IGDCC3: variants seen among roughly 807,000 people sequenced by gnomAD.
The protein encoded by IGDCC3 is immunoglobulin superfamily DCC subclass member 3.
IGDCC3 carries 47 observed loss-of-function variants against 72.0 expected under a neutral mutation model. The ratio of observed to expected loss-of-function variants is 0.65; its 90% CI spans 0.52 to 0.83. The LOEUF is 0.83. Among genes scored for constraint, IGDCC3 ranks in the 40% least tolerant of loss-of-function variants. The pLI, the probability that IGDCC3 is intolerant of heterozygous loss-of-function variation, is 0.00. For synonymous variants in IGDCC3, 477 were observed against 472.8 expected (o/e 1.01, Z -0.11); for missense variants, 1,038 against 1,091.3 (o/e 0.95, Z 0.69).
At chr15:65,354,398 C>A (rs1488591358) in intron 2 of IGDCC3, among the ~76,000 whole-genome samples, 1 of 152,264 alleles carries the variant, frequency 6.6e-6, no homozygotes, top group South Asian at 2.1e-4. Context: ...CTTCCACTGC[C>A]CCCTCTGCCT....
chr15:65,330,978 G>A, intron 9 of IGDCC3, 72 bp downstream of exon 9: 1 of 1,534,352 alleles, frequency 6.5e-7, no homozygotes, highest in Non-Finnish European at 8.9e-7. Flanking sequence ...ACCAGAACAA[G>A]TGTGCATGGT....
rs1214739278 is a variant in IGDCC3, at chr15:65,337,131, C to T, written c.410-1175G>A. ...CCCATCTCAGGCCCCCTCAATCCACCAGCCTGATCTGGCCTCCAGGGCAGC... is the reference window on the plus strand; with the variant it reads ...CCCATCTCAGGCCCCCTCAATCCACTAGCCTGATCTGGCCTCCAGGGCAGC... On this transcript the variant is annotated intron_variant, in intron 2 of 13. Coordinates refer to ENST00000327987, the MANE Select transcript of IGDCC3 (RefSeq NM_004884.4). 2.0e-5 allele frequency among the ~76,000 whole-genome samples: 3 copies of T among 152,368 alleles called. No homozygotes were observed. The South Asian group carries it at 6.2e-4, about 32-fold the overall frequency.
chr15:65,371,200 A>C (rs909748264), intron 2 of IGDCC3, among the ~76,000 whole-genome samples: 5 of 152,252 alleles, frequency 3.3e-5, no homozygotes, highest in Admixed American at 2.0e-4. Context: ...AATAATACTT[A>C]GCATTTCCTA....
Position 65,377,410 on chromosome 15 carries a change from C to T in IGDCC3, c.103+276G>A, listed in dbSNP as rs1016991280. 5.9e-5 allele frequency among the ~76,000 whole-genome samples: 9 copies of T among 152,190 alleles called. No homozygotes were observed. The highest frequency in any genetic ancestry group is 9.6e-5 in the African/African-American group (4 of 41,456). ...TCTCCACGCCAGCCCGCCCCGCTTGCTCCCGCTTCGCTGCACTCCTTGCTC... is the reference window on the plus strand; with the variant it reads ...TCTCCACGCCAGCCCGCCCCGCTTGTTCCCGCTTCGCTGCACTCCTTGCTC... On this transcript the variant is annotated intron_variant, in intron 1 of 13. Transcript: ENST00000327987. The surrounding 1 kb of genome is among the most constrained non-coding windows in gnomAD (Gnocchi z 4.9).
intron 2 of IGDCC3, among the ~76,000 whole-genome samples, chr15:65,344,478 T>G (rs1193774174): frequency 1.3e-5 from 2 of 152,024 alleles, no homozygotes; most frequent in African/African-American, 2.4e-5. Flanking sequence ...TAAATCCACA[T>G]CTCTCCCCTC....
In IGDCC3 at chr15:65,329,698, C is replaced by T. The variant is rs374568588; in HGVS notation, c.1997+28G>A. ...AGGCCTAGTCCCCCACACACCAGCC[C>T]AGCCCCTCTCCCTGGCCCAGGACCC... On this transcript the variant is annotated intron_variant, in intron 12 of 13. Coordinates refer to ENST00000327987, the MANE Select transcript of IGDCC3 (RefSeq NM_004884.4). This position sits in a 1 kb window ranked among gnomAD's most constrained non-coding sequence, Gnocchi z 4.1. 3.1e-6 allele frequency: 5 copies of T among 1,613,646 alleles called. No individual in the cohort carries two copies. The highest frequency in any genetic ancestry group is 2.7e-5 in the African/African-American group (2 of 74,924).
At chr15:65,366,383 G>T (rs960849130) in intron 2 of IGDCC3, among the ~76,000 whole-genome samples, 8 of 152,072 alleles carry the variant, frequency 5.3e-5, no homozygotes, top group African/African-American at 1.9e-4. Context: ...GAAAAAGAAA[G>T]AGGCAGGAAG....
intron 2 of IGDCC3, among the ~76,000 whole-genome samples, chr15:65,365,484 C>G (rs962405319): frequency 6.6e-6 from 1 of 152,118 alleles, no homozygotes; most frequent in South Asian, 2.1e-4. Flanking sequence ...GGGCTGCCCC[C>G]ACCACCCACT....
chr15:65,335,841 GTTC>G lies in IGDCC3; in HGVS notation c.522_524del (p.Lys174del), dbSNP rs770309014. ...CATTGTCCGTGTCAATTGGGACTCT[GTTC>G]TTCTCCCAAGTGATCAGGGGTTTGG... is the stretch of plus-strand genomic sequence containing the variant. On this transcript the variant is annotated inframe_deletion, in exon 3 of 14. Transcript: ENST00000327987. The G allele has an allele frequency of 3.1e-6, 5 of 1,614,164 alleles. No homozygotes were observed. The highest frequency in any genetic ancestry group is 2.2e-5 in the South Asian group (2 of 91,082).
At chr15:65,373,268 G>T (rs1226364468) in intron 2 of IGDCC3, among the ~76,000 whole-genome samples, 1 of 152,108 alleles carries the variant, frequency 6.6e-6, no homozygotes, top group Non-Finnish European at 1.5e-5. Context: ...TCTCTGATCT[G>T]CAAATCTTAC....
chr15:65,329,490 C>T lies in IGDCC3; in HGVS notation c.2105G>A (p.Arg702Gln), dbSNP rs140821348. 1.8e-4 allele frequency: 289 copies of T among 1,609,508 alleles called. 1 individual carries two copies. The Middle Eastern group carries it at 7.1e-3, about 40-fold the overall frequency. ...LALNGARRGQ[R>Q]GQLGRDEKRV... ...TTTCTCGTCTCGGCCCAGCTGGCCC[C>T]GCTGTCCCCGTCTCGCCCCATTTAG... is the stretch of plus-strand genomic sequence containing the variant. Residue 702 changes from arginine (R) to glutamine (Q), a missense_variant, in exon 13 of 14, where the codon CGG becomes CAG. By Grantham distance (43) the Arg-to-Gln change is conservative. Transcript: ENST00000327987. The surrounding 1 kb of genome is among the most constrained non-coding windows in gnomAD (Gnocchi z 4.1).
At position 65,377,765 on chromosome 15, in the gene IGDCC3, A is replaced by C. The variant is rs1311370354; in HGVS notation, c.24T>G (p.Ser8=). The change falls in exon 1 of 14, where the codon TCT becomes TCG. Residue 8 remains serine, a synonymous_variant. Transcript: ENST00000327987. The surrounding 1 kb of genome is among the most constrained non-coding windows in gnomAD (Gnocchi z 4.9). ...AGAGCGGGGCGGGCGGGCGGCGCGG[A>C]GACGCGGCGCGCTGCACAGCCATGG... MAVQRAA[S]PRRPPAPLWP... is the part of the protein sequence containing the mutation. 5.4e-6 allele frequency: 7 copies of C among 1,301,402 alleles called. No homozygotes were observed. Among genetic ancestry groups the C allele is most frequent in the African/African-American group, 1.6e-5 (1 of 64,256 alleles). 80.6% of individuals were successfully genotyped at this position (1,301,402 alleles called of 1,614,324 possible).
chr15:65,353,329 C>A (rs957581351), intron 2 of IGDCC3, among the ~76,000 whole-genome samples: 20 of 151,500 alleles, frequency 1.3e-4, no homozygotes, highest in African/African-American at 4.4e-4. Flanking sequence ...TAGCTCACTG[C>A]AACCTCTGCC....
chr15:65,371,740 G>A lies in IGDCC3; in HGVS notation c.409+3357C>T, dbSNP rs116188179. Among the ~76,000 whole-genome samples, 1,073 of 152,300 alleles carry A rather than the reference G, an allele frequency of 7.0e-3. 21 individuals carry two copies. Among genetic ancestry groups the A allele is most frequent in the African/African-American group, 0.024 (997 of 41,550 alleles). ...GGGATTGAGGGTGGCAGGGACTCGG[G>A]GTAGGTCCCCCATCCTCCTCCCTGT... On this transcript the variant is annotated intron_variant, in intron 2 of 13. Transcript: ENST00000327987.
At chr15:65,335,491 C>A in intron 3 of IGDCC3, 70 bp from the exon 4 acceptor site, 2 of 1,498,276 alleles carry the variant, frequency 1.3e-6, no homozygotes, top group African/African-American at 1.4e-5. Context: ...AGACTCTGGG[C>A]ATCCAAGATA....
intron 2 of IGDCC3, among the ~76,000 whole-genome samples, chr15:65,342,257 A>G (rs1275238076): frequency 6.6e-6 from 1 of 151,896 alleles, no homozygotes; most frequent in Non-Finnish European, 1.5e-5. Flanking sequence ...GTGGTGGCAC[A>G]TGCCTGTAAT....
intron 2 of IGDCC3, among the ~76,000 whole-genome samples, chr15:65,336,228 G>A (rs2091028268): frequency 6.6e-6 from 1 of 152,114 alleles, no homozygotes; most frequent in Non-Finnish European, 1.5e-5. Context: ...CCTCTAATAA[G>A]GAAATCCTGC....
intron 6 of IGDCC3, 97 bp from the exon 7 acceptor site, chr15:65,332,203 G>A: frequency 2.2e-6 from 3 of 1,384,094 alleles, no homozygotes; most frequent in Non-Finnish European, 2.9e-6. Context: ...GATACACAGG[G>A]TGAGAGGTGG....
chr15:65,329,418 G>C lies in IGDCC3; in HGVS notation c.2177C>G (p.Ala726Gly), dbSNP rs1335190406. The change falls in exon 13 of 14, where the codon GCA becomes GGA. Residue 726 changes from alanine to glycine, a missense_variant. By Grantham distance (60) the Ala-to-Gly change is moderately conservative. Coordinates refer to ENST00000327987, the MANE Select transcript of IGDCC3 (RefSeq NM_004884.4). The surrounding 1 kb of genome is among the most constrained non-coding windows in gnomAD (Gnocchi z 4.1). The stretch of plus-strand genomic sequence containing the variant: ...GGGTCTGGGGTCCGGCTGCCCTGCT[G>C]CGCTGGCCGGGGGGAACAGCTGCTC... ...ELEQLFPPAS[A>G]AGQPDPRPTQ... 6.3e-7 allele frequency: 1 copy of C among 1,598,518 alleles called. No homozygotes were observed. The highest frequency in any genetic ancestry group is 1.1e-5 in the South Asian group (1 of 89,062).
Sources: gnomAD v4.1 joint callset for allele counts (sites outside exome capture counted in the v4.1 genomes callset) on GRCh38, gnomAD v4.1.1 for gene constraint, Gnocchi (gnomAD v3.1) non-coding constraint, MANE v1.5 for transcripts, NCBI Gene and HGNC (gene_info 2026-07-23, HGNC 2026-07-21) for gene names.